Variants in MUC4 observed in about 807,000 individuals in gnomAD.
MUC4 encodes mucin 4, cell surface associated.
Under a neutral mutation model 257.9 loss-of-function variants are expected in MUC4, and 202 were observed. The ratio of observed to expected loss-of-function variants is 0.78; its 90% confidence interval spans 0.70 to 0.88. MUC4 has a LOEUF of 0.88. Ranked by LOEUF, MUC4 falls within the 40% of genes least tolerant of loss-of-function variation. The pLI, the probability that MUC4 is intolerant of heterozygous loss-of-function variation, is 0.00. For missense variants in MUC4, 5,976 were observed against 6,513.7 expected, an observed-to-expected ratio of 0.92 and a Z score of 2.84; for synonymous variants, 2,351 against 2,757.1, an observed-to-expected ratio of 0.85 and a Z score of 4.62.
At chr3:195,749,418 C>T (rs1441066040) in intron 23 of MUC4, among the ~76,000 whole-genome samples, 29 of 152,260 alleles carry the variant, frequency 1.9e-4, no homozygotes, top group Non-Finnish European at 3.4e-4. Context: ...TGGGTGGAAA[C>T]TGAAACTCTG....
chr3:195,747,209 G>C lies in MUC4; in HGVS notation c.16206C>G (p.Ser5402=). The change falls in exon 25 of 25, where the codon TCC becomes TCG. Residue 5402 remains serine, a synonymous_variant. Transcript: ENST00000463781. ...AGGCCTCAGCTGAGTTCAGGAAATA[G>C]GAGAACCTGGCCCCGGAGCAACCCC... The part of the protein sequence containing the change: ...RFWGCSGARF[S]YFLNSAEALP 2 of 1,614,272 alleles carry C rather than the reference G, an allele frequency of 1.2e-6. No individual in the cohort carries two copies. The highest frequency in any genetic ancestry group is 1.7e-6 in the Non-Finnish European group (2 of 1,180,040).
Position 195,779,287 on chromosome 3 carries a change from G to A in MUC4, c.12293C>T (p.Pro4098Leu), listed in dbSNP as rs1434380774. The change falls in exon 2 of 25, where the codon CCT becomes CTT. Residue 4098 changes from proline to leucine, a missense_variant. By Grantham distance (98) the Pro-to-Leu change is moderately conservative. This residue lies in a region of MUC4 where 293 missense variants were observed against 294.5 expected (regional missense o/e 1.00). Coordinates refer to ENST00000463781, the MANE Select transcript of MUC4 (RefSeq NM_018406.7). ...GGATACTGAGGAAAGGCTGGTGAGA[G>A]GAAGAGGGGTGGCGTGACCGGTGGA... ...SASTGHATPLPLTSLSSVSTG... is the reference protein window; with the variant it reads ...SASTGHATPLLLTSLSSVSTG... 1 of 1,375,622 alleles carries A rather than the reference G, an allele frequency of 7.3e-7. No homozygotes were observed. Among genetic ancestry groups the A allele is most frequent in the Non-Finnish European group, 9.7e-7 (1 of 1,031,658 alleles). 85.2% of individuals were successfully genotyped at this position (1,375,622 alleles called of 1,614,324 possible).
rs777058750 is a variant in MUC4, at chr3:195,783,894, A to C, written c.7686T>G (p.Pro2562=). 2.0e-4 allele frequency: 306 copies of C among 1,510,114 alleles called. 1 individual carries two copies. The African/African-American group carries it at 4.3e-3, about 21-fold the overall frequency. 93.5% of individuals were successfully genotyped at this position (1,510,114 alleles called of 1,614,324 possible). ...TGGATGCTGCGGAAGTGTCGGTGACAGGAAGAGAGGTGGCGTGACCTGTGG... is the reference window on the plus strand; with the variant it reads ...TGGATGCTGCGGAAGTGTCGGTGACCGGAAGAGAGGTGGCGTGACCTGTGG... ...SASTGHATSL[P]VTDTSAASTG... Residue 2562 remains proline (P), a synonymous_variant, in exon 2 of 25, where the codon CCT becomes CCG. Transcript: ENST00000463781.
intron 18 of MUC4, among the ~76,000 whole-genome samples, chr3:195,756,460 G>A (rs115407460): frequency 0.013 from 2,025 of 152,338 alleles, 44 homozygotes; most frequent in African/African-American, 0.046. Context: ...GGGGAGGTGG[G>A]AGATAAAAAT....
chr3:195,786,307 G>T lies in MUC4; in HGVS notation c.5273C>A (p.Ala1758Asp). ...AGTGTCGGTGACAGGAAGAGGGGTG[G>T]CCTGACCTGTGGATGCTGAGGAAGC... ...TDASSASTGQ[A>D]TPLPVTDTSS... Residue 1758 changes from alanine to aspartate, a missense_variant, in exon 2 of 25, where the codon GCC becomes GAC. Ala to Asp is a moderately radical substitution (Grantham distance 126, BLOSUM62 -2). Transcript: ENST00000463781. 3.3e-6 allele frequency: 5 copies of T among 1,517,312 alleles called. No individual in the cohort carries two copies. The highest frequency in any genetic ancestry group is 4.4e-6 in the Non-Finnish European group (5 of 1,124,790). 94.0% of individuals were successfully genotyped at this position (1,517,312 alleles called of 1,614,324 possible). A position where few individuals can be genotyped will look rare whatever the true frequency, so the allele number is the denominator to read the frequency against.
In MUC4 at chr3:195,746,935, T is replaced by A; in HGVS notation, c.*241A>T. ...GCGCGCGTGCACAGGCTAGTGTCCT[T>A]CTGTGGGTGTGTCTGCGTGAGGACC... On this transcript the variant is annotated 3_prime_UTR_variant, in exon 25 of 25. Transcript: ENST00000463781. The A allele has an allele frequency of 1.6e-6, 1 of 616,948 alleles. No homozygotes were observed. Among genetic ancestry groups the A allele is most frequent in the East Asian group, 2.7e-5 (1 of 36,474 alleles). 38.2% of individuals were successfully genotyped at this position (616,948 alleles called of 1,614,324 possible).
chr3:195,766,391 C>T (rs1037119448), intron 8 of MUC4, among the ~76,000 whole-genome samples: 1 of 151,922 alleles, frequency 6.6e-6, no homozygotes, highest in Non-Finnish European at 1.5e-5. Context: ...AGGATCTGGG[C>T]CCCCCGAGAG....
At chr3:195,799,805 A>C (rs1735067822) in intron 1 of MUC4, among the ~76,000 whole-genome samples, 1 of 152,142 alleles carries the variant, frequency 6.6e-6, no homozygotes, top group African/African-American at 2.4e-5. Flanking sequence ...CCGTTATAAA[A>C]TTTTTCATGT....
chr3:195,762,993 G>C, intron 12 of MUC4, 48 bp from the exon 13 acceptor site: 3 of 1,425,806 alleles, frequency 2.1e-6, no homozygotes, highest in Admixed American at 2.0e-5. Context: ...AGGTGGAGCC[G>C]ACGCCCAGGA....
intron 1 of MUC4, among the ~76,000 whole-genome samples, chr3:195,803,457 C>T (rs769428300): frequency 6.6e-6 from 1 of 152,224 alleles, no homozygotes; most frequent in Non-Finnish European, 1.5e-5. Context: ...CTGCAAGCAG[C>T]GAGAGCCTCC....
chr3:195,761,590 G>C lies in MUC4; in HGVS notation c.14513-5C>G, dbSNP rs777991056. 7.4e-6 allele frequency: 12 copies of C among 1,611,532 alleles called. No individual in the cohort carries two copies. The highest frequency in any genetic ancestry group is 9.3e-6 in the Non-Finnish European group (11 of 1,177,754). ...CTGGATTGTTATTCCAGACCCCTGA[G>C]GGACAGAGTGGGAGGTTGGCCACCC... On this transcript the variant is annotated splice_polypyrimidine_tract_variant and splice_region_variant and intron_variant, in intron 14 of 24. Transcript: ENST00000463781.
In MUC4 at chr3:195,779,547, T is replaced by G. The variant is rs1439524654; in HGVS notation, c.12033A>C (p.Thr4011=). ...LPVTSTSSVS[T]GHATPLPVTS... is the part of the protein sequence containing the mutation. ...TGACAGGAAGAGGGGTGGCGTGACC[T>G]GTAGATACTGAGGAAGTGCTGGTGA... is the stretch of plus-strand genomic sequence containing the variant. Residue 4011 remains threonine, a synonymous_variant, in exon 2 of 25, where the codon ACA becomes ACC. Coordinates refer to ENST00000463781, the MANE Select transcript of MUC4 (RefSeq NM_018406.7). 22 of 1,255,772 alleles carry G rather than the reference T, an allele frequency of 1.8e-5. No individual in the cohort carries two copies. Among genetic ancestry groups the G allele is most frequent in the African/African-American group, 1.7e-4 (8 of 46,470 alleles). The allele number at this position is 1,255,772 out of a possible 1,614,324, so 77.8% of individuals were successfully genotyped here. A position where few individuals can be genotyped will look rare whatever the true frequency, so the allele number is the denominator to read the frequency against.
At position 195,770,219 on chromosome 3, in the gene MUC4, G is replaced by A. The variant is rs376767009; in HGVS notation, c.13395C>T (p.Leu4465=). Residue 4465 remains leucine, a synonymous_variant, in exon 6 of 25, where the codon CTC becomes CTT. Coordinates refer to ENST00000463781, the MANE Select transcript of MUC4 (RefSeq NM_018406.7). ...AGCTGCCCAGGGGTCTACTCACCCCGAGGGTCCACTGGGCAGGATAGGCGT... is the reference window on the plus strand; with the variant it reads ...AGCTGCCCAGGGGTCTACTCACCCCAAGGGTCCACTGGGCAGGATAGGCGT... ...NAHAYPAQWT[L]GSNTYQAILS... is the part of the protein sequence containing the mutation. 67 of 1,605,848 alleles carry A rather than the reference G, an allele frequency of 4.2e-5. No homozygotes were observed. The highest frequency in any genetic ancestry group is 6.9e-5 in the Admixed American group (4 of 58,136).
In MUC4 at chr3:195,781,465, C is replaced by A. The variant is rs200518413; in HGVS notation, c.10115G>T (p.Gly3372Val). ...PVTGLSSAST[G>V]DTTRLPVTDI... ...GGTGACAGGAAGACGGGTGGTGTCA[C>A]CTGTGGAAGCTGAGGAAAGGCCGGT... The change falls in exon 2 of 25, where the codon GGT (glycine) becomes GTT (valine). Residue 3372 changes from glycine to valine, a missense_variant. Physicochemically the swap from Gly to Val is moderately radical, Grantham distance 109. This residue lies in a region of MUC4 where 297 missense variants were observed against 240.9 expected (regional missense o/e 1.23). Transcript: ENST00000463781. The A allele has an allele frequency of 1.4e-6, 2 of 1,464,060 alleles. No homozygotes were observed. The highest frequency in any genetic ancestry group is 1.8e-6 in the Non-Finnish European group (2 of 1,083,512). The allele number at this position is 1,464,060 out of a possible 1,614,324, so 90.7% of individuals were successfully genotyped here.
In MUC4 at chr3:195,780,306, G is replaced by A. The variant is rs1415919452; in HGVS notation, c.11274C>T (p.Ala3758=). 3.3e-6 allele frequency: 5 copies of A among 1,530,400 alleles called. No individual in the cohort carries two copies. Among genetic ancestry groups the A allele is most frequent in the Middle Eastern group, 2.2e-4 (1 of 4,456 alleles). The allele number at this position is 1,530,400 out of a possible 1,614,324, so 94.8% of individuals were successfully genotyped here. ...TSTSSASTGH[A]TPLLVTDASS... is the part of the protein sequence containing the mutation. ...AAGCGTCGGTGACAAGAAGAGGGGT[G>A]GCGTGACCTGTGGATGCTGAGGAAG... is the stretch of plus-strand genomic sequence containing the variant. Residue 3758 remains alanine, a synonymous_variant, in exon 2 of 25, where the codon GCC becomes GCT. Coordinates refer to ENST00000463781, the MANE Select transcript of MUC4 (RefSeq NM_018406.7).
intron 1 of MUC4, among the ~76,000 whole-genome samples, chr3:195,793,268 G>A (rs1167932282): frequency 4.6e-5 from 7 of 152,220 alleles, no homozygotes; most frequent in Middle Eastern, 3.4e-3. Context: ...AGGCTGAGAT[G>A]GGTGGATCAC....
At chr3:195,764,883 G>C in intron 10 of MUC4, 114 bp downstream of exon 10, 2 of 1,439,332 alleles carry the variant, frequency 1.4e-6, no homozygotes, top group Non-Finnish European at 1.9e-6. Context: ...ACCCGATCAG[G>C]AAGTGGAGGC....
Position 195,783,820 on chromosome 3 carries a change from G to A in MUC4, c.7760C>T (p.Thr2587Ile), listed in dbSNP as rs772958775. 6.8e-7 allele frequency: 1 copy of A among 1,481,074 alleles called. No individual in the cohort carries two copies. The highest frequency in any genetic ancestry group is 1.2e-5 in the South Asian group (1 of 81,322). 91.7% of individuals were successfully genotyped at this position (1,481,074 alleles called of 1,614,324 possible). The change falls in exon 2 of 25, where the codon ACA becomes ATA. Residue 2587 changes from threonine to isoleucine, a missense_variant. Coordinates refer to ENST00000463781, the MANE Select transcript of MUC4 (RefSeq NM_018406.7). ...GACAGGAAGAGGGGTGGTGTCACCT[G>A]TGGATGCTGAGGAAGTGCTGGTGAC... ...LPVTSTSSASTGDTTPLPVTD... is the reference protein window; with the variant it reads ...LPVTSTSSASIGDTTPLPVTD...
rs1725469117 is a variant in MUC4 at position 195,778,283 on chromosome 3, C to T, written c.12943+20G>A. 6.3e-7 allele frequency: 1 copy of T among 1,597,722 alleles called. No individual in the cohort carries two copies. Among genetic ancestry groups the T allele is most frequent in the African/African-American group, 1.3e-5 (1 of 74,362 alleles). ...TACATCACCCCTCAAAAGGCACAGG[C>T]CTCACCTGTATGGCCTCACCTCTCT... On this transcript the variant is annotated intron_variant, in intron 3 of 24. Transcript: ENST00000463781.
Sources: gnomAD v4.1 joint callset for allele counts (sites outside exome capture counted in the v4.1 genomes callset) on GRCh38, gnomAD v4.1.1 for gene constraint, gnomAD v4.1.1 regional missense constraint, MANE v1.5 for transcripts, NCBI Gene and HGNC (gene_info 2026-07-23, HGNC 2026-07-21) for gene names.